HPRT1: variants seen among roughly 807,000 people sequenced by gnomAD.
HPRT1 encodes hypoxanthine phosphoribosyltransferase 1, also known as hypoxanthine-guanine phosphoribosyltransferase.
In HPRT1, 4 loss-of-function variants were observed where a neutral mutation model predicts 19.0. The ratio of observed to expected loss-of-function variants is 0.21; its 90% CI spans 0.10 to 0.48. The LOEUF is 0.48. Ranked by LOEUF, HPRT1 falls within the 20% of genes least tolerant of loss-of-function variation. HPRT1 has a pLI of 0.98. For synonymous variants in HPRT1, 53 were observed against 54.9 expected (o/e 0.97, Z 0.15); for missense variants, 65 against 164.0 (o/e 0.40, Z 3.30).
At chrX:134,470,128 T>C (rs1294960272) in intron 1 of HPRT1, among the ~76,000 whole-genome samples, 2 of 112,529 alleles carry the variant, frequency 1.8e-5, no homozygotes, top group Non-Finnish European at 3.8e-5. Flanking sequence ...AAGTAGTACA[T>C]GTTTCTTTAA....
At position 134,460,250 on chromosome X, in the gene HPRT1, C is replaced by T; in HGVS notation, c.-62C>T. ...CCTCTTGCTGCGCCTCCGCCTCCTC[C>T]TCTGCTCCGCCACCGGCTTCCTCCT... is the stretch of plus-strand genomic sequence containing the variant. On this transcript the variant is annotated 5_prime_UTR_variant, in exon 1 of 9. Transcript: ENST00000298556. 1 of 1,103,235 alleles carries T rather than the reference C, an allele frequency of 9.1e-7. No homozygotes were observed. Among genetic ancestry groups the T allele is most frequent in the Non-Finnish European group, 1.2e-6 (1 of 837,938 alleles). The allele number at this position is 1,103,235 out of a possible 1,213,427, so 90.9% of individuals were successfully genotyped here. A position where few individuals can be genotyped will look rare whatever the true frequency, so the allele number is the denominator to read the frequency against.
At chrX:134,465,646 A>G (rs1875677420) in intron 1 of HPRT1, among the ~76,000 whole-genome samples, 1 of 112,677 alleles carries the variant, frequency 8.9e-6, no homozygotes, top group South Asian at 3.6e-4. Flanking sequence ...ATCATTCACA[A>G]GTATATCACA....
chrX:134,497,625 TC>T (rs2077684826), intron 6 of HPRT1, among the ~76,000 whole-genome samples: 1 of 99,231 alleles, frequency 1.0e-5, no homozygotes, highest in Non-Finnish European at 2.0e-5. Context: ...AGAGCAAAAC[TC>T]CATCTCAAAA....
intron 3 of HPRT1, among the ~76,000 whole-genome samples, chrX:134,484,583 A>G (rs761413036): frequency 2.0e-3 from 226 of 112,402 alleles, no homozygotes; most frequent in South Asian, 0.012. Flanking sequence ...CATAAACGCC[A>G]TTGTCACTAC....
intron 1 of HPRT1, among the ~76,000 whole-genome samples, chrX:134,468,138 C>A (rs1206168353): frequency 9.1e-6 from 1 of 109,697 alleles, no homozygotes; most frequent in Non-Finnish European, 1.9e-5. Context: ...AGCAATTTAA[C>A]ACTGTTCACA....
At chrX:134,460,967 A>G (rs1483597336) in intron 1 of HPRT1, among the ~76,000 whole-genome samples, 1 of 111,652 alleles carries the variant, frequency 9.0e-6, no homozygotes, top group Non-Finnish European at 1.9e-5. Flanking sequence ...GCCGAAATTC[A>G]CATGTGCTAG....
intron 1 of HPRT1, among the ~76,000 whole-genome samples, chrX:134,461,423 T>C (rs1276185934): frequency 8.9e-6 from 1 of 112,359 alleles, no homozygotes; most frequent in East Asian, 2.8e-4. Flanking sequence ...ATATTAGGCA[T>C]TGTAATGACT....
chrX:134,472,078 C>T (rs1240918080), intron 1 of HPRT1, among the ~76,000 whole-genome samples: 1 of 111,229 alleles, frequency 9.0e-6, no homozygotes, highest in Non-Finnish European at 1.9e-5. Flanking sequence ...CAAGTGATTC[C>T]TTCTGCCTCC....
chrX:134,486,357 ATCT>A (rs1437063089), intron 3 of HPRT1, 105 bp from the exon 4 acceptor site: 12 of 354,631 alleles, frequency 3.4e-5, no homozygotes, highest in Non-Finnish European at 5.6e-5. Flanking sequence ...AACTTCTCAA[ATCT>A]TCTAGTTCTC....
intron 5 of HPRT1, among the ~76,000 whole-genome samples, chrX:134,492,260 C>G (rs915633390): frequency 1.4e-4 from 15 of 105,793 alleles, no homozygotes; most frequent in Non-Finnish European, 2.9e-4. Context: ...TACGTACCCA[C>G]AAAAGTATTA....
rs190170065 is a variant in HPRT1 at position 134,484,579 on chromosome X, C to T, written c.319-1886C>T. Among the ~76,000 whole-genome samples, 4 of 112,083 alleles carry T rather than the reference C, an allele frequency of 3.6e-5. No homozygotes were observed. The East Asian group carries it at 8.4e-4, about 24-fold the overall frequency. Reference sequence around the variant, plus strand: ...ACATAAAAGTGAAAAGTCTCATAAACGCCATTGTCACTACTCATGTAATTG... The same window carrying T: ...ACATAAAAGTGAAAAGTCTCATAAATGCCATTGTCACTACTCATGTAATTG... On this transcript the variant is annotated intron_variant, in intron 3 of 8. Transcript: ENST00000298556.
chrX:134,485,895 A>G (rs1392389251), intron 3 of HPRT1, among the ~76,000 whole-genome samples: 1 of 112,345 alleles, frequency 8.9e-6, no homozygotes, highest in African/African-American at 3.2e-5. Context: ...ATTCTGTGAT[A>G]GCAGTAAAAT....
chrX:134,489,940 T>C (rs1172487421), intron 4 of HPRT1, among the ~76,000 whole-genome samples: 1 of 111,481 alleles, frequency 9.0e-6, no homozygotes. Context: ...TGTTAAGTAA[T>C]GAAAGTGTTT....
intron 3 of HPRT1, among the ~76,000 whole-genome samples, chrX:134,482,167 C>T (rs1240332342): frequency 2.7e-5 from 3 of 111,195 alleles, no homozygotes; most frequent in African/African-American, 9.8e-5. Context: ...TTATCTCCCA[C>T]CTCAGCCTCC....
In HPRT1 at chrX:134,487,920, T is replaced by C. The variant is rs181473466; in HGVS notation, c.384+1390T>C. 5.3e-4 allele frequency among the ~76,000 whole-genome samples: 59 copies of C among 111,797 alleles called. No homozygotes were observed. The Admixed American group carries it at 5.5e-3, about 10-fold the overall frequency. On this transcript the variant is annotated intron_variant, in intron 4 of 8. Coordinates refer to ENST00000298556, the MANE Select transcript of HPRT1 (RefSeq NM_000194.3). ...GGAATGGACCTAGCCTTTTAGGCCT[T>C]CTGAGATTTAGTTTGATCTCGTCTT...
At chrX:134,479,405 G>A (rs2077633375) in intron 3 of HPRT1, among the ~76,000 whole-genome samples, 2 of 109,604 alleles carry the variant, frequency 1.8e-5, no homozygotes, top group African/African-American at 3.3e-5. Context: ...GAGTAGCTGG[G>A]ATTACAGGCG....
At chrX:134,462,838 C>T in intron 1 of HPRT1, among the ~76,000 whole-genome samples, 1 of 112,190 alleles carries the variant, frequency 8.9e-6, no homozygotes, top group Non-Finnish European at 1.9e-5. Context: ...AGATACTCTT[C>T]TAAGCCCTGT....
chrX:134,488,381 C>A (rs1325775495), intron 4 of HPRT1, among the ~76,000 whole-genome samples: 1 of 111,014 alleles, frequency 9.0e-6, no homozygotes, highest in Non-Finnish European at 1.9e-5. Flanking sequence ...CAGGTATCCA[C>A]CTGCCTCAGC....
At chrX:134,490,960 T>C (rs892359162) in intron 5 of HPRT1, among the ~76,000 whole-genome samples, 3 of 105,714 alleles carry the variant, frequency 2.8e-5, no homozygotes, top group Non-Finnish European at 3.9e-5. Flanking sequence ...ATTTTCCTGA[T>C]CACTTATCAC....
Sources: allele counts gnomAD v4.1 joint callset (sites outside exome capture counted in the v4.1 genomes callset), GRCh38; gene constraint gnomAD v4.1.1; transcripts MANE v1.5; gene names NCBI Gene and HGNC (gene_info 2026-07-23, HGNC 2026-07-21).